LDLRAD4: variants seen among roughly 807,000 people sequenced by gnomAD.
LDLRAD4 encodes low density lipoprotein receptor class A domain containing 4.
LDLRAD4 carries 5 observed loss-of-function variants against 17.0 expected under a neutral mutation model. The observed-to-expected ratio is 0.29, with a 90% CI of 0.15 to 0.62. The LOEUF (loss-of-function observed/expected upper bound fraction) is 0.62. Among genes scored for constraint, LDLRAD4 ranks in the 20% least tolerant of loss-of-function variants. The pLI, the probability that LDLRAD4 is intolerant of heterozygous loss-of-function variation, is 0.84. For missense variants in LDLRAD4, 340 were observed against 424.7 expected (o/e 0.80, Z 1.75); for synonymous variants, 168 against 171.8 (o/e 0.98, Z 0.17).
At chr18:13,273,856 A>C (rs769416605), upstream of LDLRAD4, among the ~76,000 whole-genome samples, 81 of 152,052 alleles carry the variant, frequency 5.3e-4, 1 homozygote, top group Non-Finnish European at 2.9e-4. Context: ...CCTTTTCAGG[A>C]GTTCCACCCA....
chr18:13,641,810 G>T, intron 4 of LDLRAD4: 1 of 985,724 alleles, frequency 1.0e-6, no homozygotes, highest in Middle Eastern at 5.2e-4. Flanking sequence ...TGGGCACTTG[G>T]CCGGGTTTGC....
intron 3 of LDLRAD4, among the ~76,000 whole-genome samples, chr18:13,478,086 T>G (rs1301174197): frequency 6.6e-6 from 1 of 152,206 alleles, no homozygotes; most frequent in Non-Finnish European, 1.5e-5. Flanking sequence ...GTATTTTCTC[T>G]GGAACATAGT....
chr18:13,549,044 C>T (rs1298171867), intron 3 of LDLRAD4, among the ~76,000 whole-genome samples: 2 of 152,238 alleles, frequency 1.3e-5, no homozygotes, highest in Non-Finnish European at 2.9e-5. Flanking sequence ...GCTGATTCTA[C>T]AGGGAGTTGC....
chr18:13,593,625 T>TCTAG (rs1482410835), intron 3 of LDLRAD4, among the ~76,000 whole-genome samples: 21 of 152,212 alleles, frequency 1.4e-4, no homozygotes, highest in Middle Eastern at 3.4e-3. Flanking sequence ...TATCTGTCTA[T>TCTAG]CTAGCTAGCT....
chr18:13,401,391 C>T lies in LDLRAD4; in HGVS notation c.40+13629C>T, dbSNP rs575674240. Among the ~76,000 whole-genome samples the T allele has an allele frequency of 3.3e-5, 5 of 151,232 alleles. No homozygotes were observed. The East Asian group carries it at 5.8e-4, about 18-fold the overall frequency. On this transcript the variant is annotated intron_variant, in intron 2 of 5. Coordinates refer to ENST00000359446, the Ensembl canonical transcript of LDLRAD4. ...CTTTGAAAAAAAAAAAAAAAACTGT[C>T]CCTTTCTCCAACACTGAGTTTCACC... is the stretch of plus-strand genomic sequence containing the variant.
chr18:13,495,687 C>A (rs2093454000), intron 3 of LDLRAD4, among the ~76,000 whole-genome samples: 1 of 152,080 alleles, frequency 6.6e-6, no homozygotes, highest in African/African-American at 2.4e-5. Flanking sequence ...GATTAATAGA[C>A]TCACAAATTC....
chr18:13,261,243 G>A (rs2043800348), intron 1 of LDLRAD4, among the ~76,000 whole-genome samples: 1 of 152,216 alleles, frequency 6.6e-6, no homozygotes, highest in Non-Finnish European at 1.5e-5. Flanking sequence ...ATTTACTGGT[G>A]GAAAAATAGA....
chr18:13,481,894 C>A (rs560788874), intron 3 of LDLRAD4, among the ~76,000 whole-genome samples: 56 of 152,126 alleles, frequency 3.7e-4, no homozygotes, highest in African/African-American at 1.3e-3. Flanking sequence ...GTGGAGTTTG[C>A]TGGGCAGGAG....
chr18:13,345,004 A>T (rs900465458), intron 1 of LDLRAD4, among the ~76,000 whole-genome samples: 1 of 152,154 alleles, frequency 6.6e-6, no homozygotes, highest in African/African-American at 2.4e-5. Context: ...GGTTTTCTAG[A>T]TATACAGTCA....
At chr18:13,275,838 G>A (rs1165263031), upstream of LDLRAD4, among the ~76,000 whole-genome samples, 3 of 152,190 alleles carry the variant, frequency 2.0e-5, no homozygotes, top group East Asian at 3.8e-4. Flanking sequence ...CCAGGATGAC[G>A]GGGATGTGGT....
chr18:13,295,278 C>G (rs1423482019), intron 1 of LDLRAD4, among the ~76,000 whole-genome samples: 1 of 152,210 alleles, frequency 6.6e-6, no homozygotes, highest in Non-Finnish European at 1.5e-5. Context: ...TGCTCACATC[C>G]TGGAAAGCTG....
chr18:13,398,910 C>T lies in LDLRAD4; in HGVS notation c.40+11148C>T, dbSNP rs142249075. On this transcript the variant is annotated intron_variant, in intron 2 of 5. Transcript: ENST00000359446. This position sits in a 1 kb window ranked among gnomAD's most constrained non-coding sequence, Gnocchi z 4.8. ...TCCACTCTCATGGAGTATGCTCGTG[C>T]GCAGAGATGCAGCCACCCAGATCTT... 2.3e-4 allele frequency among the ~76,000 whole-genome samples: 35 copies of T among 152,174 alleles called. 1 individual carries two copies. Among genetic ancestry groups the T allele is most frequent in the East Asian group, 7.7e-4 (4 of 5,168 alleles).
intron 1 of LDLRAD4, among the ~76,000 whole-genome samples, chr18:13,355,870 A>T (rs1310497555): frequency 6.6e-6 from 1 of 152,180 alleles, no homozygotes; most frequent in Non-Finnish European, 1.5e-5. Context: ...GCCTCAAGTG[A>T]TCCTCCCACC....
chr18:13,427,075 A>G (rs1360676726), intron 2 of LDLRAD4, among the ~76,000 whole-genome samples: 2 of 152,064 alleles, frequency 1.3e-5, no homozygotes, highest in Admixed American at 6.5e-5. Flanking sequence ...AGTCCCAGCT[A>G]CTCGGGAGGC....
chr18:13,351,882 G>A (rs1202904263), intron 1 of LDLRAD4, among the ~76,000 whole-genome samples: 9 of 152,128 alleles, frequency 5.9e-5, no homozygotes, highest in Admixed American at 1.3e-4. Flanking sequence ...CTGGCAAACC[G>A]AATCCAGCAG....
At chr18:13,518,447 A>G (rs1378375314) in intron 3 of LDLRAD4, among the ~76,000 whole-genome samples, 2 of 152,120 alleles carry the variant, frequency 1.3e-5, no homozygotes, top group South Asian at 2.1e-4. Flanking sequence ...AAAGTTCCCA[A>G]TGTCTTCTTT....
At chr18:13,248,479 G>A (rs1158789199) in intron 1 of LDLRAD4, among the ~76,000 whole-genome samples, 1 of 152,210 alleles carries the variant, frequency 6.6e-6, no homozygotes, top group Non-Finnish European at 1.5e-5. Flanking sequence ...CACCCCATAA[G>A]ATGTGATGTA....
chr18:13,227,885 A>G (rs1323576817), intron 1 of LDLRAD4, among the ~76,000 whole-genome samples: 2 of 152,212 alleles, frequency 1.3e-5, no homozygotes, highest in African/African-American at 4.8e-5. Context: ...TTGGATTACA[A>G]TTCAAGGTGA....
At chr18:13,289,680 C>T (rs1276266421) in intron 1 of LDLRAD4, among the ~76,000 whole-genome samples, 4 of 152,152 alleles carry the variant, frequency 2.6e-5, no homozygotes, top group African/African-American at 7.2e-5. Context: ...TCTCTATGCT[C>T]AGCCACAGAC....
Sources: allele counts gnomAD v4.1 joint callset (sites outside exome capture counted in the v4.1 genomes callset), GRCh38; gene constraint gnomAD v4.1.1; non-coding constraint Gnocchi (gnomAD v3.1); transcripts MANE v1.5; gene names NCBI Gene and HGNC (gene_info 2026-07-23, HGNC 2026-07-21).